The following PTPRE variants were observed in gnomAD, a reference collection of about 807,000 sequenced individuals.
PTPRE encodes the protein protein tyrosine phosphatase receptor type E.
PTPRE carries 51 observed loss-of-function variants against 102.0 expected under a neutral mutation model. That is an observed-to-expected ratio of 0.50 (90% CI 0.40 to 0.63). The LOEUF (loss-of-function observed/expected upper bound fraction) is 0.63, where lower values mean the gene tolerates loss of function less well. Among genes scored for constraint, PTPRE ranks in the 30% least tolerant of loss-of-function variants. The pLI is 0.00. For synonymous variants in PTPRE, 345 were observed against 348.2 expected (o/e 0.99, Z 0.10); for missense variants, 752 against 915.1 (o/e 0.82, Z 2.30).
chr10:127,962,612 C>A (rs1222695870), intron 1 of PTPRE, among the ~76,000 whole-genome samples: 1 of 152,182 alleles, frequency 6.6e-6, no homozygotes, highest in Non-Finnish European at 1.5e-5. Context: ...CCACAGAGGC[C>A]TCAATGAAGC....
At chr10:127,956,826 G>A (rs530676118) in intron 1 of PTPRE, among the ~76,000 whole-genome samples, 6 of 152,244 alleles carry the variant, frequency 3.9e-5, no homozygotes, top group Non-Finnish European at 7.4e-5. Flanking sequence ...GACAGATGAT[G>A]ATGAGCATCT....
chr10:128,033,987 T>A (rs1284193278), intron 2 of PTPRE, among the ~76,000 whole-genome samples: 8 of 152,176 alleles, frequency 5.3e-5, no homozygotes, highest in Admixed American at 5.2e-4. Flanking sequence ...ATCTCATCAG[T>A]TAAAATAGAA....
In PTPRE at chr10:128,068,112, G is replaced by T. The variant is rs752197871; in HGVS notation, c.844-11G>T. On this transcript the variant is annotated splice_polypyrimidine_tract_variant and intron_variant, in intron 11 of 20. Transcript: ENST00000254667. ...GTTTCACCCACTCTTGTCTCCCCGCGTCCCCCGCAGCAGCTCCCCGACGGC... is the reference window on the plus strand; with the variant it reads ...GTTTCACCCACTCTTGTCTCCCCGCTTCCCCCGCAGCAGCTCCCCGACGGC... 2 of 1,608,986 alleles carry T rather than the reference G, an allele frequency of 1.2e-6. No homozygotes were observed. Among genetic ancestry groups the T allele is most frequent in the Non-Finnish European group, 1.7e-6 (2 of 1,177,146 alleles).
At chr10:127,985,026 A>G (rs909077008) in intron 2 of PTPRE, among the ~76,000 whole-genome samples, 5 of 152,238 alleles carry the variant, frequency 3.3e-5, no homozygotes, top group Non-Finnish European at 7.3e-5. Context: ...CTTATTGCTC[A>G]CTTGTGGGAT....
chr10:128,059,854 T>C (rs911674650), intron 7 of PTPRE, among the ~76,000 whole-genome samples: 2 of 152,130 alleles, frequency 1.3e-5, no homozygotes, highest in Non-Finnish European at 2.9e-5. Context: ...AATAGTTCTA[T>C]GGAGGAAGCT....
intron 1 of PTPRE, among the ~76,000 whole-genome samples, chr10:127,949,469 T>A (rs1848858507): frequency 6.6e-6 from 1 of 152,200 alleles, no homozygotes; most frequent in Non-Finnish European, 1.5e-5. Flanking sequence ...CAGAGAGCAC[T>A]GATAGATCAC....
At chr10:127,998,526 T>C (rs1853519008) in intron 2 of PTPRE, 1 of 152,224 alleles carries the variant, frequency 6.6e-6, no homozygotes, top group Non-Finnish European at 1.5e-5. Flanking sequence ...TATAAGTGTC[T>C]AGCACAGTCC....
chr10:128,057,321 A>G (rs1457563905), intron 7 of PTPRE, among the ~76,000 whole-genome samples: 1 of 152,218 alleles, frequency 6.6e-6, no homozygotes, highest in East Asian at 1.9e-4. Flanking sequence ...TCAGGCTAAC[A>G]AAATGGCATC....
intron 5 of PTPRE, among the ~76,000 whole-genome samples, chr10:128,048,138 G>A (rs1175117990): frequency 6.6e-6 from 1 of 152,054 alleles, no homozygotes; most frequent in African/African-American, 2.4e-5. Context: ...TTTTCAGTGA[G>A]GCCTTACAAT....
intron 6 of PTPRE, among the ~76,000 whole-genome samples, chr10:128,052,865 C>T (rs1184699601): frequency 2.6e-5 from 4 of 152,162 alleles, no homozygotes; most frequent in Admixed American, 1.3e-4. Flanking sequence ...TGCAGAACTG[C>T]CCACACCTAG....
intron 6 of PTPRE, among the ~76,000 whole-genome samples, chr10:128,051,618 A>G (rs1049359623): frequency 1.3e-5 from 2 of 152,254 alleles, no homozygotes; most frequent in Non-Finnish European, 2.9e-5. Context: ...AAAATATTGC[A>G]TTCGAATATT....
chr10:127,917,857 C>A (rs1233867196), intron 1 of PTPRE, among the ~76,000 whole-genome samples: 2 of 152,008 alleles, frequency 1.3e-5, no homozygotes, highest in East Asian at 3.9e-4. Flanking sequence ...TAGTGAAACC[C>A]CATCTCTACT....
intron 1 of PTPRE, among the ~76,000 whole-genome samples, chr10:127,911,073 C>T (rs984106806): frequency 2.8e-4 from 43 of 151,812 alleles, no homozygotes; most frequent in African/African-American, 9.4e-4. Flanking sequence ...CAGAGAAAGA[C>T]CCTGTCATGG....
rs115885781 is a variant in PTPRE, at chr10:127,968,971, C to T, written c.-30-13303C>T. Among the ~76,000 whole-genome samples, 916 of 152,338 alleles carry T rather than the reference C, an allele frequency of 6.0e-3. 6 individuals are homozygous for T. Among genetic ancestry groups the T allele is most frequent in the African/African-American group, 0.021 (856 of 41,568 alleles). On this transcript the variant is annotated intron_variant, in intron 1 of 20. Transcript: ENST00000254667. ...TCCCTAGTTTTTCAGGAAATATAAA[C>T]ACTTTCCTGGTGTTACATTCTAAGA...
intron 1 of PTPRE, among the ~76,000 whole-genome samples, chr10:127,913,907 A>G (rs185864286): frequency 1.3e-5 from 2 of 152,256 alleles, no homozygotes; most frequent in South Asian, 2.1e-4. Context: ...GTCATGGGGT[A>G]AAGCTTTTTA....
At chr10:127,986,283 T>A (rs2135484425) in intron 2 of PTPRE, among the ~76,000 whole-genome samples, 1 of 152,330 alleles carries the variant, frequency 6.6e-6, no homozygotes, top group East Asian at 1.9e-4. Flanking sequence ...CAAAGTTCCT[T>A]CAACTGGAGA....
In PTPRE at chr10:128,085,636, T is replaced by TTTTG. The variant is rs1265528439; in HGVS notation, c.*2742_*2745dup. ...TTTAAGTGTATAATTACTGATACTT[T>TTTTG]TTTGTTTGTTTGTTTAACTAAGTTG... On this transcript the variant is annotated 3_prime_UTR_variant, in exon 21 of 21. Transcript: ENST00000254667. 6.6e-6 allele frequency: 1 copy of TTTTG among 151,510 alleles called. No homozygotes were observed. The highest frequency in any genetic ancestry group is 1.5e-5 in the Non-Finnish European group (1 of 67,238). 9.4% of individuals were successfully genotyped at this position (151,510 alleles called of 1,614,324 possible). A position where few individuals can be genotyped will look rare whatever the true frequency, so the allele number is the denominator to read the frequency against.
chr10:128,076,023 TGAAGA>T (rs1234738114), intron 17 of PTPRE, among the ~76,000 whole-genome samples: 1 of 152,250 alleles, frequency 6.6e-6, no homozygotes, highest in Non-Finnish European at 1.5e-5. Context: ...TGTTTGTTGA[TGAAGA>T]GAAGTGAATG....
intron 2 of PTPRE, among the ~76,000 whole-genome samples, chr10:128,009,575 C>G (rs1367739494): frequency 1.3e-5 from 2 of 152,182 alleles, no homozygotes; most frequent in African/African-American, 4.8e-5. Flanking sequence ...ACTATTGTGC[C>G]TGTTTTACTC....
Sources: allele counts gnomAD v4.1 joint callset (sites outside exome capture counted in the v4.1 genomes callset), GRCh38; gene constraint gnomAD v4.1.1; transcripts MANE v1.5; gene names NCBI Gene and HGNC (gene_info 2026-07-23, HGNC 2026-07-21).